SPATA31C1: variants seen among roughly 807,000 people sequenced by gnomAD.
SPATA31C1 encodes the protein spermatogenesis-associated protein 31C1.
chr9:87,919,135 A>G (rs1225537292), intron 2 of SPATA31C1, 120 bp from the exon 2 acceptor site: 9 of 1,450,032 alleles, frequency 6.2e-6, no homozygotes, highest in Non-Finnish European at 8.5e-6. Context: ...GAGGGGAGAA[A>G]GCACACAGAG....
In SPATA31C1 at chr9:87,916,764, A is replaced by G. The variant is rs1194550257; in HGVS notation, n.190-1083A>G. On this transcript the variant is annotated intron_variant and non_coding_transcript_variant, in intron 1 of 4. Transcript: ENST00000420021. Reference sequence around the variant, plus strand: ...TGTAATCCCAGCACTTTGGGAGGCCAAGGCGGGCGGATCACAAGGTCAGGA... The same window carrying G: ...TGTAATCCCAGCACTTTGGGAGGCCGAGGCGGGCGGATCACAAGGTCAGGA... Among the ~76,000 whole-genome samples, 598 of 91,790 alleles carry G rather than the reference A, an allele frequency of 6.5e-3. 3 individuals carry two copies. Among genetic ancestry groups the G allele is most frequent in the Middle Eastern group, 0.022 (4 of 182 alleles). 60.2% of individuals were successfully genotyped at this position (91,790 alleles called of 152,430 possible). A position where few individuals can be genotyped will look rare whatever the true frequency, so the allele number is the denominator to read the frequency against.
chr9:87,921,846 T>C (rs771240618), exon 5 of SPATA31C1: 3 of 1,611,940 alleles, frequency 1.9e-6, no homozygotes, highest in African/African-American at 2.7e-5. Flanking sequence ...CCTTGAGCTG[T>C]GTACTCAGCA....
chr9:87,916,759 A>T (rs1346811025), intron 1 of SPATA31C1, among the ~76,000 whole-genome samples: 7 of 100,244 alleles, frequency 7.0e-5, no homozygotes, highest in South Asian at 4.2e-4. Flanking sequence ...GCACTTTGGG[A>T]GGCCAAGGCG....
exon 5 of SPATA31C1, chr9:87,920,552 T>C (rs1306194047): frequency 1.2e-6 from 2 of 1,613,522 alleles, no homozygotes; most frequent in Non-Finnish European, 1.7e-6. Context: ...CACCTGCACT[T>C]TTCCCTCACC....
chr9:87,921,744 TTTCCCGTATCCAAC>T (rs760310883), exon 5 of SPATA31C1: 3 of 1,612,044 alleles, frequency 1.9e-6, no homozygotes, highest in Admixed American at 3.3e-5. Flanking sequence ...CAACCAGGCT[TTTCCCGTATCCAAC>T]ACCCACGTGA....
At chr9:87,916,521 T>C (rs1335355305) in intron 1 of SPATA31C1, among the ~76,000 whole-genome samples, 37 of 149,776 alleles carry the variant, frequency 2.5e-4, no homozygotes, top group African/African-American at 8.7e-4. Flanking sequence ...ATCTAGAATA[T>C]TGTTTAAAGT....
At chr9:87,919,070 C>G (rs1351674987) in intron 2 of SPATA31C1, 185 bp from the exon 2 acceptor site, 1 of 979,496 alleles carries the variant, frequency 1.0e-6, no homozygotes, top group African/African-American at 1.7e-5. Context: ...GCACCCGACC[C>G]CCTCTTCCTG....
chr9:87,915,064 T>TTC (rs1228293081), intron 1 of SPATA31C1, among the ~76,000 whole-genome samples: 1 of 37,642 alleles, frequency 2.7e-5, no homozygotes, highest in African/African-American at 8.8e-5. Flanking sequence ...CATCAGTCCC[T>TTC]TCCTGGGGCA....
chr9:87,921,101 T>C (rs987861729), exon 5 of SPATA31C1: 3 of 1,611,584 alleles, frequency 1.9e-6, no homozygotes, highest in Non-Finnish European at 2.5e-6. Context: ...TCTCCTTACC[T>C]GAAACTCAGC....
At chr9:87,919,155 C>G (rs1451483449) in intron 2 of SPATA31C1, 100 bp from the exon 2 acceptor site, 3 of 1,545,112 alleles carry the variant, frequency 1.9e-6, no homozygotes, top group East Asian at 2.4e-5. Flanking sequence ...GCTCCCTGAG[C>G]AAGACAGACA....
exon 5 of SPATA31C1, chr9:87,922,553 T>A: frequency 6.2e-7 from 1 of 1,610,458 alleles, no homozygotes; most frequent in Non-Finnish European, 8.5e-7. Context: ...TTTCTGCCGC[T>A]GTTGTGCTCC....
Position 87,919,241 on chromosome 9 carries a change from T to TTCTTGGCTCCCAGCGTCA in SPATA31C1, n.523-45_523-44insGCTCCCAGCGTCATCTTG. ...AGAGCCGGTCCTAGCTCCTCGCCAT[T>TTCTTGGCTCCCAGCGTCA]TCTTGTCTCCCAGCGTCATCTTGTC... On this transcript the variant is annotated intron_variant and non_coding_transcript_variant, in intron 2 of 4. Coordinates refer to ENST00000420021, the Ensembl canonical transcript of SPATA31C1. 6.6e-7 allele frequency: 1 copy of TTCTTGGCTCCCAGCGTCA among 1,516,360 alleles called. No individual in the cohort carries two copies. The highest frequency in any genetic ancestry group is 1.1e-5 in the South Asian group (1 of 87,308). The allele number at this position is 1,516,360 out of a possible 1,614,324, so 93.9% of individuals were successfully genotyped here. A position where few individuals can be genotyped will look rare whatever the true frequency, so the allele number is the denominator to read the frequency against.
chr9:87,920,631 C>T (rs560034208), exon 5 of SPATA31C1: 188 of 1,613,840 alleles, frequency 1.2e-4, no homozygotes, highest in Non-Finnish European at 1.5e-4. Context: ...TCCTCCCCTG[C>T]GGGACTCCAC....
chr9:87,921,050 T>C, exon 5 of SPATA31C1: 3 of 1,611,488 alleles, frequency 1.9e-6, no homozygotes, highest in Non-Finnish European at 2.5e-6. Flanking sequence ...TGAAGAACAC[T>C]GGAGTAGCTT....
exon 5 of SPATA31C1, chr9:87,922,557 G>A (rs545054012): frequency 1.3e-5 from 21 of 1,610,350 alleles, no homozygotes; most frequent in South Asian, 1.2e-4. Flanking sequence ...TGCCGCTGTT[G>A]TGCTCCTTCC....
exon 5 of SPATA31C1, chr9:87,921,904 G>T (rs1056449550): frequency 1.9e-6 from 3 of 1,611,904 alleles, no homozygotes; most frequent in Non-Finnish European, 2.5e-6. Context: ...CACAGGTGGG[G>T]TCTACCCCTC....
chr9:87,920,078 G>A lies in SPATA31C1; in HGVS notation n.641+102G>A, dbSNP rs1331040149. On this transcript the variant is annotated intron_variant and non_coding_transcript_variant, in intron 4 of 4. Transcript: ENST00000420021. ...TGACCTGGGATGGGGAGACCAGGGG[G>A]ACAGAGGATGGGAGTAAAGCCCTGG... 5.0e-5 allele frequency: 81 copies of A among 1,608,224 alleles called. 1 individual carries two copies. The Middle Eastern group carries it at 8.8e-4, about 17-fold the overall frequency.
intron 1 of SPATA31C1, among the ~76,000 whole-genome samples, chr9:87,916,699 A>G (rs373112217): frequency 1.1e-3 from 145 of 128,000 alleles, no homozygotes; most frequent in African/African-American, 2.6e-3. Flanking sequence ...CCAGAGAGAC[A>G]TTAAAATAAG....
exon 5 of SPATA31C1, chr9:87,922,253 C>A (rs756679819): frequency 1.1e-5 from 17 of 1,613,008 alleles, no homozygotes; most frequent in Admixed American, 5.0e-5. Context: ...TCACATACAG[C>A]CTCAAAGGCA....
Sources: allele counts gnomAD v4.1 joint callset (sites outside exome capture counted in the v4.1 genomes callset), GRCh38; gene constraint gnomAD v4.1.1; transcripts MANE v1.5; gene names NCBI Gene and HGNC (gene_info 2026-07-23, HGNC 2026-07-21).